The following CCDC122 variants were observed in gnomAD, a reference collection of about 807,000 sequenced individuals.
The protein encoded by CCDC122 is coiled-coil domain containing 122.
CCDC122 carries 38 observed loss-of-function variants against 37.0 expected under a neutral mutation model. The ratio of observed to expected loss-of-function variants is 1.03; its 90% CI spans 0.79 to 1.35. The LOEUF (loss-of-function observed/expected upper bound fraction) is 1.35. Among genes scored for constraint, CCDC122 ranks in the 40% most tolerant of loss-of-function variants. The pLI, the probability that CCDC122 is intolerant of heterozygous loss-of-function variation, is 0.00. For missense variants in CCDC122, 305 were observed against 310.0 expected, an observed-to-expected ratio of 0.98 and a Z score of 0.12; for synonymous variants, 83 against 95.6, an observed-to-expected ratio of 0.87 and a Z score of 0.77.
At chr13:43,879,095 A>C (rs547658335) in intron 1 of CCDC122, among the ~76,000 whole-genome samples, 1 of 152,214 alleles carries the variant, frequency 6.6e-6, no homozygotes, top group Admixed American at 6.5e-5. Context: ...AGAGACCGGA[A>C]ACGCGGACTT....
intron 6 of CCDC122, among the ~76,000 whole-genome samples, chr13:43,850,216 C>G (rs1391440448): frequency 6.6e-6 from 1 of 152,128 alleles, no homozygotes. Context: ...CAATGGCCAC[C>G]TGGAAATAGT....
At position 43,837,121 on chromosome 13, in the gene CCDC122, G is replaced by A. The variant is rs190808489; in HGVS notation, c.*159C>T. 1.6e-6 allele frequency: 1 copy of A among 644,346 alleles called. No individual in the cohort carries two copies. The highest frequency in any genetic ancestry group is 1.8e-5 in the African/African-American group (1 of 54,442). The allele number at this position is 644,346 out of a possible 1,614,324, so 39.9% of individuals were successfully genotyped here. ...GGGTTAGAAGGCATTTTAACAAATC[G>A]ATGACTGATTTAAAAAAAACAACAA... On this transcript the variant is annotated 3_prime_UTR_variant, in exon 7 of 7. Coordinates refer to ENST00000444614, the MANE Select transcript of CCDC122 (RefSeq NM_144974.5).
intron 4 of CCDC122, among the ~76,000 whole-genome samples, chr13:43,862,998 T>C (rs1278619715): frequency 6.6e-6 from 1 of 151,964 alleles, no homozygotes; most frequent in Non-Finnish European, 1.5e-5. Context: ...TTCCCCTTCT[T>C]CTCTCTCCTT....
chr13:43,820,283 C>T (rs370706491), downstream of CCDC122, among the ~76,000 whole-genome samples: 3 of 152,138 alleles, frequency 2.0e-5, no homozygotes, highest in East Asian at 5.8e-4. Context: ...TGATGAACAC[C>T]CTTAATGCTG....
At chr13:43,834,717 C>G (rs1214745970), downstream of CCDC122, among the ~76,000 whole-genome samples, 1 of 152,182 alleles carries the variant, frequency 6.6e-6, no homozygotes, top group Non-Finnish European at 1.5e-5. Context: ...AAATGCTCAT[C>G]ATCACTGGCC....
At chr13:43,845,876 T>C (rs865874238) in intron 6 of CCDC122, among the ~76,000 whole-genome samples, 4 of 152,294 alleles carry the variant, frequency 2.6e-5, no homozygotes, top group South Asian at 4.1e-4. Context: ...TAAAATCCTC[T>C]CTCTTTACCC....
intron 2 of CCDC122, among the ~76,000 whole-genome samples, chr13:43,873,866 T>C (rs1279041591): frequency 6.6e-6 from 1 of 152,206 alleles, no homozygotes; most frequent in Non-Finnish European, 1.5e-5. Context: ...CATATCCTTC[T>C]ACTAATGTAA....
chr13:43,839,672 T>C (rs1953279662), intron 6 of CCDC122, among the ~76,000 whole-genome samples: 1 of 152,198 alleles, frequency 6.6e-6, no homozygotes, highest in South Asian at 2.1e-4. Context: ...TGCTAAGCTG[T>C]TTTTCAAAAC....
At chr13:43,836,245 T>C (rs1206766779), downstream of CCDC122, 5 of 152,272 alleles carry the variant, frequency 3.3e-5, no homozygotes, top group South Asian at 4.1e-4. Flanking sequence ...ATTTGATTTA[T>C]TGACATTTTG....
At chr13:43,856,586 C>T (rs1953914399) in intron 6 of CCDC122, 1 of 167,008 alleles carries the variant, frequency 6.0e-6, no homozygotes, top group South Asian at 1.3e-4. Flanking sequence ...GCCGAGATTG[C>T]ACTACTGCAC....
downstream of CCDC122, among the ~76,000 whole-genome samples, chr13:43,835,534 A>G (rs547268611): frequency 7.2e-5 from 11 of 152,324 alleles, no homozygotes; most frequent in East Asian, 1.3e-3. Flanking sequence ...TAAAATAGGT[A>G]TATGTATTAA....
intron 1 of CCDC122, 86 bp downstream of exon 1, chr13:43,879,545 C>T (rs987641571): frequency 2.4e-4 from 37 of 152,450 alleles, no homozygotes; most frequent in African/African-American, 8.4e-4. Context: ...AGCGGGCTCG[C>T]GGCGCTTGGC....
intron 6 of CCDC122, among the ~76,000 whole-genome samples, chr13:43,851,010 G>A (rs1594831577): frequency 1.3e-5 from 2 of 152,198 alleles, no homozygotes; most frequent in East Asian, 3.9e-4. Flanking sequence ...AGCAGATTTT[G>A]CACTAGAAAT....
downstream of CCDC122, among the ~76,000 whole-genome samples, chr13:43,832,687 T>A (rs772857910): frequency 1.3e-5 from 2 of 151,788 alleles, no homozygotes; most frequent in Admixed American, 6.6e-5. Flanking sequence ...ATAAATAAAT[T>A]ATTATTTATA....
At chr13:43,834,536 G>A (rs1344698639), downstream of CCDC122, among the ~76,000 whole-genome samples, 1 of 152,082 alleles carries the variant, frequency 6.6e-6, no homozygotes, top group Non-Finnish European at 1.5e-5. Context: ...TACAGAATGG[G>A]AGAAAATTTT....
intron 6 of CCDC122, among the ~76,000 whole-genome samples, chr13:43,843,012 T>C (rs1255497393): frequency 1.3e-5 from 2 of 152,104 alleles, no homozygotes; most frequent in Non-Finnish European, 1.5e-5. Context: ...GCCTTATATT[T>C]ACTTTTTTCT....
chr13:43,837,148 C>A lies in CCDC122; in HGVS notation c.*132G>T. The A allele has an allele frequency of 1.2e-6, 1 of 854,490 alleles. No individual in the cohort carries two copies. The highest frequency in any genetic ancestry group is 2.6e-5 in the East Asian group (1 of 38,732). The allele number at this position is 854,490 out of a possible 1,614,324, so 52.9% of individuals were successfully genotyped here. On this transcript the variant is annotated 3_prime_UTR_variant, in exon 7 of 7. Transcript: ENST00000444614. Reference sequence around the variant, plus strand: ...TGACTGATTTAAAAAAAACAACAACCGAAGACATCTGTCATTAAGACAGGT... The same window carrying A: ...TGACTGATTTAAAAAAAACAACAACAGAAGACATCTGTCATTAAGACAGGT...
At chr13:43,826,958 T>C (rs1953046442) in intron 3 of CCDC122, among the ~76,000 whole-genome samples, 1 of 152,356 alleles carries the variant, frequency 6.6e-6, no homozygotes, top group East Asian at 1.9e-4. Context: ...AATACTGTAT[T>C]CAGAGAACTG....
downstream of CCDC122, among the ~76,000 whole-genome samples, chr13:43,823,428 CA>C (rs1388234627): frequency 6.6e-6 from 1 of 152,186 alleles, no homozygotes; most frequent in African/African-American, 2.4e-5. Flanking sequence ...GTTGTGCGAG[CA>C]CTCCCTTGGC....
Sources: gnomAD v4.1 joint callset for allele counts (sites outside exome capture counted in the v4.1 genomes callset) on GRCh38, gnomAD v4.1.1 for gene constraint, MANE v1.5 for transcripts, NCBI Gene and HGNC (gene_info 2026-07-23, HGNC 2026-07-21) for gene names.